The following AUH variants were observed in gnomAD, a reference collection of about 807,000 sequenced individuals.
AUH encodes the protein AU RNA binding methylglutaconyl-CoA hydratase, also known as methylglutaconyl-CoA hydratase, mitochondrial.
A neutral mutation model predicts 42.3 loss-of-function variants in AUH; 29 were observed. The ratio of observed to expected loss-of-function variants is 0.69; its 90% CI spans 0.51 to 0.93. The LOEUF (loss-of-function observed/expected upper bound fraction) is 0.93, where lower values mean the gene tolerates loss of function less well. AUH is among the 40% of genes least tolerant of loss of function. The pLI is 0.00. For missense variants in AUH, 452 were observed against 438.1 expected, an observed-to-expected ratio of 1.03 and a Z score of -0.28; for synonymous variants, 174 against 166.4, an observed-to-expected ratio of 1.05 and a Z score of -0.35.
At chr9:91,247,453 T>C (rs944831944) in intron 6 of AUH, among the ~76,000 whole-genome samples, 1 of 152,086 alleles carries the variant, frequency 6.6e-6, no homozygotes, top group African/African-American at 2.4e-5. Flanking sequence ...AGTACCTCAA[T>C]TCCCAGCCTC....
At chr9:91,242,720 T>C (rs970754315) in intron 6 of AUH, among the ~76,000 whole-genome samples, 3 of 152,230 alleles carry the variant, frequency 2.0e-5, no homozygotes, top group African/African-American at 7.2e-5. Context: ...ATGAGGGTTC[T>C]AATAAAAGAC....
intron 8 of AUH, among the ~76,000 whole-genome samples, chr9:91,216,560 A>T (rs1826832382): frequency 6.6e-6 from 1 of 152,146 alleles, no homozygotes; most frequent in African/African-American, 2.4e-5. Context: ...TACTTTTGCA[A>T]ATTTATGAAA....
intron 5 of AUH, among the ~76,000 whole-genome samples, chr9:91,296,279 T>C (rs980080106): frequency 5.9e-5 from 9 of 151,478 alleles, no homozygotes. Flanking sequence ...TCCCACAACA[T>C]TTTCTGTTAA....
intron 3 of AUH, among the ~76,000 whole-genome samples, chr9:91,341,942 CACA>C (rs1377899619): frequency 6.6e-6 from 1 of 152,106 alleles, no homozygotes; most frequent in Non-Finnish European, 1.5e-5. Flanking sequence ...GAACACTGAG[CACA>C]ACGAGTTGGA....
At chr9:91,291,521 T>A (rs1367174934) in intron 6 of AUH, among the ~76,000 whole-genome samples, 1 of 152,232 alleles carries the variant, frequency 6.6e-6, no homozygotes, top group African/African-American at 2.4e-5. Flanking sequence ...GTCTTATAAA[T>A]CCTTCTGGTG....
intron 6 of AUH, among the ~76,000 whole-genome samples, chr9:91,257,482 G>A (rs1309859360): frequency 6.6e-6 from 1 of 152,162 alleles, no homozygotes; most frequent in African/African-American, 2.4e-5. Context: ...ACAGAGAGAA[G>A]GAATCAAGAT....
At chr9:91,341,152 T>C (rs1281319670) in intron 3 of AUH, among the ~76,000 whole-genome samples, 2 of 152,210 alleles carry the variant, frequency 1.3e-5, no homozygotes, top group South Asian at 2.1e-4. Flanking sequence ...TCCACTCCCC[T>C]GGCCTCATGC....
chr9:91,324,381 T>C (rs1448192063), intron 4 of AUH, among the ~76,000 whole-genome samples: 5 of 152,046 alleles, frequency 3.3e-5, no homozygotes, highest in African/African-American at 1.2e-4. Flanking sequence ...TTCACACCTG[T>C]AGTCCTAACC....
intron 3 of AUH, among the ~76,000 whole-genome samples, chr9:91,336,998 T>C (rs1830744554): frequency 6.6e-6 from 1 of 152,232 alleles, no homozygotes; most frequent in Admixed American, 6.5e-5. Context: ...CTTATCACCT[T>C]TGTATACACA....
At chr9:91,292,814 C>T (rs1827017341) in intron 6 of AUH, among the ~76,000 whole-genome samples, 2 of 152,094 alleles carry the variant, frequency 1.3e-5, no homozygotes, top group African/African-American at 4.8e-5. Context: ...TTTTGTCGTG[C>T]TTCCCTTTAT....
chr9:91,230,642 G>C, intron 6 of AUH, among the ~76,000 whole-genome samples: 1 of 152,182 alleles, frequency 6.6e-6, no homozygotes, highest in East Asian at 1.9e-4. Flanking sequence ...GATTTTTAGA[G>C]TTTCCAGTTT....
chr9:91,289,072 GC>G lies in AUH; in HGVS notation c.655+6948del, dbSNP rs1310383549. The stretch of plus-strand genomic sequence containing the variant: ...AGAAGTGATGATATGACAATCAATA[GC>G]ATCACATTAATTCTCTTGTCTTTAT... On this transcript the variant is annotated intron_variant, in intron 6 of 9. Coordinates refer to ENST00000375731, the MANE Select transcript of AUH (RefSeq NM_001698.3). 2.0e-5 allele frequency among the ~76,000 whole-genome samples: 3 copies of G among 152,100 alleles called. No individual in the cohort carries two copies. The East Asian group carries it at 5.8e-4, about 29-fold the overall frequency.
chr9:91,233,546 A>T (rs1176557502), intron 6 of AUH, among the ~76,000 whole-genome samples: 1 of 152,170 alleles, frequency 6.6e-6, no homozygotes, highest in Admixed American at 6.5e-5. Flanking sequence ...TAAATAAAAA[A>T]CAGGGAGAGG....
intron 6 of AUH, among the ~76,000 whole-genome samples, chr9:91,257,665 A>C (rs1829478729): frequency 6.6e-6 from 1 of 152,200 alleles, no homozygotes; most frequent in African/African-American, 2.4e-5. Context: ...GTCTGTTCTC[A>C]CACTAGTATC....
At chr9:91,353,820 CAAAAAAA>C (rs56842895) in intron 3 of AUH, among the ~76,000 whole-genome samples, 3 of 27,646 alleles carry the variant, frequency 1.1e-4, no homozygotes, top group Admixed American at 4.4e-4. Context: ...GACTCCGTCT[CAAAAAAA>C]AAAAAAAAAA....
intron 4 of AUH, among the ~76,000 whole-genome samples, chr9:91,312,891 A>G (rs1828816693): frequency 6.6e-6 from 1 of 152,250 alleles, no homozygotes; most frequent in Non-Finnish European, 1.5e-5. Context: ...AAATTGAGTT[A>G]TAGATCCAAT....
intron 6 of AUH, among the ~76,000 whole-genome samples, chr9:91,243,468 C>T (rs1472960536): frequency 2.6e-5 from 4 of 152,362 alleles, no homozygotes; most frequent in Middle Eastern, 3.4e-3. Context: ...ATGAATTACA[C>T]GGCAAGGCCC....
intron 6 of AUH, among the ~76,000 whole-genome samples, chr9:91,281,062 T>C (rs1177596982): frequency 6.6e-6 from 1 of 152,112 alleles, no homozygotes; most frequent in Non-Finnish European, 1.5e-5. Flanking sequence ...TTTCACCAAA[T>C]TAGGAAAGTT....
intron 6 of AUH, among the ~76,000 whole-genome samples, chr9:91,237,736 A>T (rs1467939647): frequency 6.6e-6 from 1 of 152,166 alleles, no homozygotes; most frequent in Non-Finnish European, 1.5e-5. Context: ...ACATGACCAA[A>T]ATAGTCATCA....
Sources: gnomAD v4.1 joint callset for allele counts (sites outside exome capture counted in the v4.1 genomes callset) on GRCh38, gnomAD v4.1.1 for gene constraint, MANE v1.5 for transcripts, NCBI Gene and HGNC (gene_info 2026-07-23, HGNC 2026-07-21) for gene names.